The following MRTFB variants were observed in gnomAD, a reference collection of about 807,000 sequenced individuals.
MRTFB encodes myocardin related transcription factor B.
MRTFB carries 29 observed loss-of-function variants against 104.2 expected under a neutral mutation model. The observed-to-expected ratio is 0.28, with a 90% CI of 0.21 to 0.38. The LOEUF is 0.38. Ranked by LOEUF, MRTFB falls within the 10% of genes least tolerant of loss-of-function variation. The pLI, the probability that MRTFB is intolerant of heterozygous loss-of-function variation, is 1.00. For missense variants in MRTFB, 1,270 were observed against 1,341.6 expected (o/e 0.95, Z 0.83); for synonymous variants, 535 against 519.5 (o/e 1.03, Z -0.41).
intron 3 of MRTFB, among the ~76,000 whole-genome samples, chr16:14,192,200 C>A (rs951489693): frequency 6.7e-6 from 1 of 149,850 alleles, no homozygotes; most frequent in Non-Finnish European, 1.5e-5. Flanking sequence ...AGCAAGACTC[C>A]GTCTCTACAA....
At chr16:13,996,545 G>C in the MRTFB span, among the ~76,000 whole-genome samples, 1 of 152,226 alleles carries the variant, frequency 6.6e-6, no homozygotes, top group Non-Finnish European at 1.5e-5. Flanking sequence ...CCATGTGTTA[G>C]GCACAGGACT....
chr16:14,017,360 G>A, the MRTFB span, among the ~76,000 whole-genome samples: 1 of 151,622 alleles, frequency 6.6e-6, no homozygotes, highest in Non-Finnish European at 1.5e-5. Flanking sequence ...CCGGCCTGCT[G>A]CAGTCTTCTT....
chr16:14,043,723 A>T, the MRTFB span, among the ~76,000 whole-genome samples: 3 of 152,228 alleles, frequency 2.0e-5, no homozygotes, highest in Non-Finnish European at 4.4e-5. Context: ...GAAGGAATCA[A>T]GGATATCATA....
intron 3 of MRTFB, among the ~76,000 whole-genome samples, chr16:14,188,440 C>A (rs1464175333): frequency 2.6e-5 from 4 of 151,538 alleles, no homozygotes; most frequent in Middle Eastern, 6.8e-3. Context: ...AAAGATGTCA[C>A]AACAGCAATG....
intron 2 of MRTFB, among the ~76,000 whole-genome samples, chr16:14,129,457 T>A (rs1314274388): frequency 6.6e-6 from 1 of 152,222 alleles, no homozygotes; most frequent in Non-Finnish European, 1.5e-5. Flanking sequence ...GTTCACTAGT[T>A]GATGAACATT....
chr16:14,177,785 TG>T lies in MRTFB; in HGVS notation c.155-32457del, dbSNP rs2039634078. On this transcript the variant is annotated intron_variant, in intron 3 of 16. Transcript: ENST00000571589. This position sits in a 1 kb window ranked among gnomAD's most constrained non-coding sequence, Gnocchi z 4.7. ...CTGCAGCGAGTAATAATTGCACCAC[TG>T]TACTCCAGCCTGGACAACAGAACAA... 6.6e-6 allele frequency among the ~76,000 whole-genome samples: 1 copy of T among 152,034 alleles called. No individual in the cohort carries two copies. Among genetic ancestry groups the T allele is most frequent in the South Asian group, 2.1e-4 (1 of 4,814 alleles).
Position 14,265,135 on chromosome 16 carries a change from C to T in MRTFB, c.*3691C>T, listed in dbSNP as rs2043902245. 6.6e-6 allele frequency: 1 copy of T among 152,200 alleles called. No homozygotes were observed. Among genetic ancestry groups the T allele is most frequent in the South Asian group, 2.1e-4 (1 of 4,822 alleles). 9.4% of individuals were successfully genotyped at this position (152,200 alleles called of 1,614,324 possible). A position where few individuals can be genotyped will look rare whatever the true frequency, so the allele number is the denominator to read the frequency against. On this transcript the variant is annotated 3_prime_UTR_variant, in exon 17 of 17. Coordinates refer to ENST00000571589, the MANE Select transcript of MRTFB (RefSeq NM_001308142.2). ...GTAGCCTCACAGAAGTCCTGGCTGT[C>T]ACTCAGGTGGGGAGCTCATGGTGCC...
intron 3 of MRTFB, among the ~76,000 whole-genome samples, chr16:14,144,962 AT>A (rs1233544354): frequency 0.022 from 3,062 of 140,138 alleles, 88 homozygotes; most frequent in African/African-American, 0.08. Context: ...AAAAAAAAAA[AT>A]AAATAAATAT....
At chr16:14,192,198 T>C (rs546766503) in intron 3 of MRTFB, among the ~76,000 whole-genome samples, 196 of 148,994 alleles carry the variant, frequency 1.3e-3, no homozygotes, top group Non-Finnish European at 8.0e-4. Context: ...ATAGCAAGAC[T>C]CCGTCTCTAC....
chr16:14,069,965 G>A (rs139900465), upstream of MRTFB, among the ~76,000 whole-genome samples: 2 of 152,356 alleles, frequency 1.3e-5, no homozygotes, highest in East Asian at 3.9e-4. Flanking sequence ...GAGTGAGGTT[G>A]AAACATGCAA....
chr16:14,114,037 G>T (rs759035337), intron 2 of MRTFB, among the ~76,000 whole-genome samples: 5 of 152,178 alleles, frequency 3.3e-5, no homozygotes, highest in Non-Finnish European at 7.4e-5. Flanking sequence ...TGGATTGCCA[G>T]TTCCTTTGGA....
intron 3 of MRTFB, among the ~76,000 whole-genome samples, chr16:14,146,384 G>A (rs929705081): frequency 1.3e-5 from 2 of 152,210 alleles, no homozygotes; most frequent in Admixed American, 6.5e-5. Context: ...TACTGCAGTT[G>A]TTAGGGTTTT....
intron 16 of MRTFB, 31 bp downstream of exon 16, chr16:14,258,192 G>A: frequency 6.3e-7 from 1 of 1,591,738 alleles, no homozygotes; most frequent in Non-Finnish European, 8.6e-7. Context: ...GATCCTCCCA[G>A]GAAGTCATCT....
chr16:14,220,385 T>C (rs2041636676), intron 8 of MRTFB, among the ~76,000 whole-genome samples: 1 of 152,120 alleles, frequency 6.6e-6, no homozygotes, highest in Non-Finnish European at 1.5e-5. Context: ...GCCTTAACTT[T>C]TAGTAATACA....
At chr16:14,234,073 C>T in intron 8 of MRTFB, 73 bp from the exon 9 acceptor site, 2 of 1,560,176 alleles carry the variant, frequency 1.3e-6, no homozygotes, top group Non-Finnish European at 1.7e-6. Context: ...AGGTCATTCC[C>T]TTGTAATTCT....
At chr16:14,042,099 T>A in the MRTFB span, among the ~76,000 whole-genome samples, 2 of 152,068 alleles carry the variant, frequency 1.3e-5, no homozygotes, top group East Asian at 3.9e-4. Flanking sequence ...TTTCTGCACA[T>A]CCTCACCAAC....
chr16:14,041,059 G>A, the MRTFB span, among the ~76,000 whole-genome samples: 1 of 152,118 alleles, frequency 6.6e-6, no homozygotes, highest in African/African-American at 2.4e-5. Flanking sequence ...TGTGAGCCCA[G>A]GAATTTGAGG....
chr16:14,127,656 A>T (rs1167666663), intron 2 of MRTFB, among the ~76,000 whole-genome samples: 1 of 150,516 alleles, frequency 6.6e-6, no homozygotes, highest in Non-Finnish European at 1.5e-5. Flanking sequence ...AAAAAAAAAA[A>T]AAAATAATGA....
At chr16:14,028,355 C>G in the MRTFB span, among the ~76,000 whole-genome samples, 1 of 152,140 alleles carries the variant, frequency 6.6e-6, no homozygotes, top group African/African-American at 2.4e-5. Context: ...GTCCCATGGC[C>G]TTAGGCTCCT....
Sources: gnomAD v4.1 joint callset for allele counts (sites outside exome capture counted in the v4.1 genomes callset) on GRCh38, gnomAD v4.1.1 for gene constraint, Gnocchi (gnomAD v3.1) non-coding constraint, MANE v1.5 for transcripts, NCBI Gene and HGNC (gene_info 2026-07-23, HGNC 2026-07-21) for gene names.